Variants in CCSER1 observed in about 807,000 individuals in gnomAD.
The protein encoded by CCSER1 is coiled-coil serine rich protein 1, also known as serine-rich coiled-coil domain-containing protein 1.
In CCSER1, 41 loss-of-function variants were observed where a neutral mutation model predicts 82.0. The ratio of observed to expected loss-of-function variants is 0.50; its 90% confidence interval spans 0.39 to 0.65. The LOEUF (loss-of-function observed/expected upper bound fraction) is 0.65, where lower values mean the gene tolerates loss of function less well. Ranked by LOEUF, CCSER1 falls within the 30% of genes least tolerant of loss-of-function variation. CCSER1 has a pLI of 0.00. For missense variants in CCSER1, 1,119 were observed against 1,064.2 expected, an observed-to-expected ratio of 1.05 and a Z score of -0.72; for synonymous variants, 414 against 383.9, an observed-to-expected ratio of 1.08 and a Z score of -0.92.
intron 10 of CCSER1, among the ~76,000 whole-genome samples, chr4:91,546,362 T>C (rs890728293): frequency 1.3e-5 from 2 of 152,128 alleles, no homozygotes; most frequent in African/African-American, 4.8e-5. Flanking sequence ...CTTAGAAGTT[T>C]GATAGAATTA....
chr4:90,257,548 GATAGATAGATAGATAC>G (rs1340128394), intron 1 of CCSER1, among the ~76,000 whole-genome samples: 13 of 150,378 alleles, frequency 8.6e-5, no homozygotes, highest in East Asian at 8.1e-4. Context: ...TAGATAGATA[GATAGATAGATAGATAC>G]ATAGATACAT....
intron 3 of CCSER1, among the ~76,000 whole-genome samples, chr4:90,354,594 T>G (rs1252392429): frequency 6.6e-6 from 1 of 152,080 alleles, no homozygotes; most frequent in Non-Finnish European, 1.5e-5. Context: ...ATTGTACACC[T>G]TAAATTAATA....
chr4:90,406,014 A>G (rs1289096999), intron 4 of CCSER1, among the ~76,000 whole-genome samples: 1 of 152,208 alleles, frequency 6.6e-6, no homozygotes, highest in African/African-American at 2.4e-5. Flanking sequence ...TCATGTCTCA[A>G]TATTAACATT....
At chr4:90,938,810 TTCA>T (rs768887224) in intron 9 of CCSER1, 9 of 236,092 alleles carry the variant, frequency 3.8e-5, no homozygotes, top group Non-Finnish European at 7.3e-5. Context: ...AATCAATTTT[TTCA>T]TCATTTCATA....
At chr4:91,309,535 T>G (rs1175101750) in intron 10 of CCSER1, among the ~76,000 whole-genome samples, 1 of 152,040 alleles carries the variant, frequency 6.6e-6, no homozygotes, top group Non-Finnish European at 1.5e-5. Flanking sequence ...TTATCGATTT[T>G]CCTTTTTCTT....
chr4:90,861,531 T>C (rs182734722), intron 8 of CCSER1, among the ~76,000 whole-genome samples: 1 of 151,904 alleles, frequency 6.6e-6, no homozygotes, highest in East Asian at 1.9e-4. Flanking sequence ...TGGCATATTT[T>C]TAAAATTTGC....
chr4:90,569,829 C>T (rs1357278089), intron 5 of CCSER1, among the ~76,000 whole-genome samples: 2 of 152,188 alleles, frequency 1.3e-5, no homozygotes, highest in African/African-American at 4.8e-5. Context: ...GCATCTGATC[C>T]ATCCACCCCC....
chr4:91,449,450 T>C (rs1446062106), intron 10 of CCSER1, among the ~76,000 whole-genome samples: 1 of 151,802 alleles, frequency 6.6e-6, no homozygotes, highest in African/African-American at 2.4e-5. Flanking sequence ...ATTGTGTCAT[T>C]TTTTTTGGTG....
chr4:90,268,473 CA>C (rs1224794206), intron 1 of CCSER1, among the ~76,000 whole-genome samples: 1 of 151,990 alleles, frequency 6.6e-6, no homozygotes, highest in African/African-American at 2.4e-5. Context: ...CTGTTGTCAT[CA>C]GTTTAAAATA....
chr4:91,247,725 C>T (rs530153360), intron 10 of CCSER1, among the ~76,000 whole-genome samples: 16 of 151,998 alleles, frequency 1.1e-4, no homozygotes, highest in Non-Finnish European at 1.9e-4. Context: ...AAAAATTAGC[C>T]GGGTGTGGTG....
intron 9 of CCSER1, among the ~76,000 whole-genome samples, chr4:91,006,849 G>A (rs943196176): frequency 6.6e-6 from 1 of 152,046 alleles, no homozygotes. Context: ...GGTGAAAGTA[G>A]GCATCCTTGT....
intron 8 of CCSER1, among the ~76,000 whole-genome samples, chr4:90,840,018 GTAAA>G (rs1331903913): frequency 8.6e-5 from 13 of 151,854 alleles, no homozygotes; most frequent in African/African-American, 3.1e-4. Context: ...ATATAATCAA[GTAAA>G]TATAATACAA....
intron 6 of CCSER1, among the ~76,000 whole-genome samples, chr4:90,631,934 C>T (rs1039486793): frequency 6.6e-6 from 1 of 151,980 alleles, no homozygotes; most frequent in Admixed American, 6.6e-5. Context: ...AGTTGGGTCC[C>T]GTTCCCAAGA....
intron 10 of CCSER1, among the ~76,000 whole-genome samples, chr4:91,311,765 A>G (rs1303365371): frequency 6.6e-6 from 1 of 151,966 alleles, no homozygotes; most frequent in African/African-American, 2.4e-5. Flanking sequence ...AATACCATAT[A>G]GGTAGAATTA....
intron 4 of CCSER1, among the ~76,000 whole-genome samples, chr4:90,403,282 G>A (rs1328084951): frequency 2.0e-5 from 3 of 151,874 alleles, no homozygotes; most frequent in African/African-American, 7.2e-5. Flanking sequence ...GGTGGATCAC[G>A]AGGTCAGGAG....
chr4:91,437,967 AAGC>A (rs1464306081), intron 10 of CCSER1, among the ~76,000 whole-genome samples: 2 of 152,186 alleles, frequency 1.3e-5, no homozygotes, highest in Admixed American at 1.3e-4. Flanking sequence ...TAGGTAAACA[AAGC>A]AGCCAGGAAG....
In CCSER1 at chr4:91,163,330, T is replaced by C. The variant is rs1239229497; in HGVS notation, c.2217+77336T>C. Among the ~76,000 whole-genome samples, 3 of 152,366 alleles carry C rather than the reference T, an allele frequency of 2.0e-5. No homozygotes were observed. The East Asian group carries it at 5.8e-4, about 29-fold the overall frequency. On this transcript the variant is annotated intron_variant, in intron 10 of 10. Coordinates refer to ENST00000509176, the MANE Select transcript of CCSER1 (RefSeq NM_001145065.2). ...GTGATGTCTGTTCTTTTACATTGGC[T>C]GAGGAGTGCTTTACTTCCACCTATG... is the stretch of plus-strand genomic sequence containing the variant.
chr4:91,069,416 T>A (rs1445524305), intron 9 of CCSER1, among the ~76,000 whole-genome samples: 1 of 151,922 alleles, frequency 6.6e-6, no homozygotes, highest in Non-Finnish European at 1.5e-5. Flanking sequence ...AATGGCATGT[T>A]TATGTTAAAA....
At chr4:91,151,583 T>C (rs892688576) in intron 10 of CCSER1, among the ~76,000 whole-genome samples, 3 of 152,220 alleles carry the variant, frequency 2.0e-5, no homozygotes, top group Admixed American at 6.5e-5. Context: ...CAATTTTAGA[T>C]CTTCCCTGCT....
Sources: allele counts gnomAD v4.1 joint callset (sites outside exome capture counted in the v4.1 genomes callset), GRCh38; gene constraint gnomAD v4.1.1; transcripts MANE v1.5; gene names NCBI Gene and HGNC (gene_info 2026-07-23, HGNC 2026-07-21).